KLHL20: variants seen among roughly 807,000 people sequenced by gnomAD.
The protein encoded by KLHL20 is kelch-like protein 20.
A neutral mutation model predicts 69.5 loss-of-function variants in KLHL20; 29 were observed. That is an observed-to-expected ratio of 0.42 (90% CI 0.31 to 0.57). The LOEUF (loss-of-function observed/expected upper bound fraction) is 0.57. Among genes scored for constraint, KLHL20 ranks in the 20% least tolerant of loss-of-function variants. The pLI is 0.18. For missense variants in KLHL20, 419 were observed against 776.0 expected (o/e 0.54, Z 5.47); for synonymous variants, 253 against 265.2 (o/e 0.95, Z 0.45).
At position 173,733,920 on chromosome 1, in the gene KLHL20, G is replaced by A; in HGVS notation, c.231G>A (p.Lys77=). The A allele has an allele frequency of 1.2e-6, 2 of 1,614,224 alleles. No individual in the cohort carries two copies. Among genetic ancestry groups the A allele is most frequent in the Non-Finnish European group, 8.5e-7 (1 of 1,180,036 alleles). ...LCDVVLVVGA[K]KIYAHRVILS... is the part of the protein sequence containing the mutation. ...ATGTGGTGCTAGTTGTGGGCGCCAA[G>A]AAGATATATGCCCATCGAGTCATTT... The change falls in exon 3 of 12, where the codon AAG becomes AAA. Residue 77 remains lysine (K), a synonymous_variant. Coordinates refer to ENST00000209884, the MANE Select transcript of KLHL20 (RefSeq NM_014458.4).
At chr1:173,722,261 T>G (rs1671747497) in intron 2 of KLHL20, among the ~76,000 whole-genome samples, 1 of 152,056 alleles carries the variant, frequency 6.6e-6, no homozygotes, top group African/African-American at 2.4e-5. Flanking sequence ...AGCTTTTACA[T>G]TCTTAAATGG....
intron 2 of KLHL20, among the ~76,000 whole-genome samples, chr1:173,729,674 C>A (rs886629826): frequency 1.3e-5 from 2 of 152,128 alleles, no homozygotes; most frequent in Non-Finnish European, 1.5e-5. Flanking sequence ...AATTCAACAA[C>A]CTTCATGCTA....
chr1:173,760,889 A>G (rs946592615), intron 7 of KLHL20, among the ~76,000 whole-genome samples: 2 of 152,240 alleles, frequency 1.3e-5, no homozygotes, highest in East Asian at 3.9e-4. Context: ...GGTACCTCAC[A>G]TTTCAATACT....
chr1:173,747,108 C>G (rs1460319038), intron 3 of KLHL20, among the ~76,000 whole-genome samples: 1 of 151,580 alleles, frequency 6.6e-6, no homozygotes, highest in Non-Finnish European at 1.5e-5. Context: ...TCTTGGTAAC[C>G]TAATATATGA....
At chr1:173,736,154 C>T (rs1469927747) in intron 3 of KLHL20, among the ~76,000 whole-genome samples, 1 of 151,964 alleles carries the variant, frequency 6.6e-6, no homozygotes, top group Admixed American at 6.6e-5. Context: ...ACCATGTTGG[C>T]CAGGCTGGTC....
chr1:173,783,909 TACAAAACTGA>T (rs1287481479), intron 11 of KLHL20, among the ~76,000 whole-genome samples: 1 of 147,624 alleles, frequency 6.8e-6, no homozygotes, highest in East Asian at 2.0e-4. Context: ...GCCCTGGGGA[TACAAAACTGA>T]ACAACAACAA....
intron 3 of KLHL20, among the ~76,000 whole-genome samples, chr1:173,749,459 T>C (rs1446537450): frequency 1.3e-5 from 2 of 152,198 alleles, no homozygotes; most frequent in African/African-American, 4.8e-5. Context: ...TGTGAAGCAT[T>C]ATTTTCTTAA....
chr1:173,735,076 G>T (rs563358375), intron 3 of KLHL20, among the ~76,000 whole-genome samples: 1 of 152,158 alleles, frequency 6.6e-6, no homozygotes, highest in African/African-American at 2.4e-5. Flanking sequence ...GAGACCAAGG[G>T]GGGTAGAGGA....
intron 2 of KLHL20, 137 bp from the exon 3 acceptor site, chr1:173,733,576 C>G: frequency 1.3e-6 from 1 of 741,098 alleles, no homozygotes; most frequent in Non-Finnish European, 2.1e-6. Context: ...AGTGAGACAT[C>G]ATCTCTACAA....
At chr1:173,725,511 A>G (rs1334415239) in intron 2 of KLHL20, among the ~76,000 whole-genome samples, 1 of 152,212 alleles carries the variant, frequency 6.6e-6, no homozygotes, top group East Asian at 1.9e-4. Flanking sequence ...AGACACATAC[A>G]TATATACTGT....
rs80305519 is a variant in KLHL20, at chr1:173,756,250, T to C, written c.967+212T>C. On this transcript the variant is annotated intron_variant, in intron 6 of 11. Coordinates refer to ENST00000209884, the MANE Select transcript of KLHL20 (RefSeq NM_014458.4). ...TCTCATTCAACACCTTTAATATCTA[T>C]TTTTATATAAATCCAAAAATGTTGG... is the stretch of plus-strand genomic sequence containing the variant. Among the ~76,000 whole-genome samples, 904 of 132,156 alleles carry C rather than the reference T, an allele frequency of 6.8e-3. 10 individuals are homozygous for C. Among genetic ancestry groups the C allele is most frequent in the African/African-American group, 0.036 (833 of 23,066 alleles). The allele number at this position is 132,156 out of a possible 152,430, so 86.7% of individuals were successfully genotyped here. A position where few individuals can be genotyped will look rare whatever the true frequency, so the allele number is the denominator to read the frequency against.
Position 173,775,822 on chromosome 1 carries a change from A to G in KLHL20, c.1618A>G (p.Met540Val), listed in dbSNP as rs1292399451. 1 of 1,614,060 alleles carries G rather than the reference A, an allele frequency of 6.2e-7. No individual in the cohort carries two copies. ...CAACCAGTGGTCTCCAGTGGTGGCC[A>G]TGACATCACGCCGTAGTGGAGTAAG... ...RTNQWSPVVA[M>V]TSRRSGVGLA... The change falls in exon 10 of 12, where the codon ATG becomes GTG. Residue 540 changes from methionine (M) to valine (V), a missense_variant. Around this residue, in one of 6 missense-constraint regions of KLHL20, gnomAD observed 79 missense variants for 154.4 expected, o/e 0.51. Coordinates refer to ENST00000209884, the MANE Select transcript of KLHL20 (RefSeq NM_014458.4).
chr1:173,760,941 A>G (rs999287327), intron 7 of KLHL20, among the ~76,000 whole-genome samples: 1 of 152,244 alleles, frequency 6.6e-6, no homozygotes, highest in African/African-American at 2.4e-5. Context: ...CTTAAAAGGT[A>G]CAGAACCGCA....
chr1:173,715,868 C>T (rs1205771168), intron 1 of KLHL20, 135 bp from the exon 2 acceptor site: 18 of 587,234 alleles, frequency 3.1e-5, no homozygotes, highest in Non-Finnish European at 5.2e-5. Flanking sequence ...TATTGTGCAT[C>T]TGCAGAAGGC....
At chr1:173,717,271 T>G (rs1671511606) in intron 2 of KLHL20, among the ~76,000 whole-genome samples, 1 of 152,236 alleles carries the variant, frequency 6.6e-6, no homozygotes, top group South Asian at 2.1e-4. Flanking sequence ...TGTGGGAATG[T>G]TTTTGGTTTA....
intron 10 of KLHL20, among the ~76,000 whole-genome samples, chr1:173,776,918 A>T (rs1249815159): frequency 2.6e-5 from 4 of 152,110 alleles, no homozygotes; most frequent in African/African-American, 4.8e-5. Flanking sequence ...TTGTGGTTGC[A>T]TATCAATTTT....
chr1:173,753,244 G>C lies in KLHL20; in HGVS notation c.788G>C (p.Ser263Thr), dbSNP rs1673391050. 1 of 1,614,028 alleles carries C rather than the reference G, an allele frequency of 6.2e-7. No individual in the cohort carries two copies. The highest frequency in any genetic ancestry group is 8.5e-7 in the Non-Finnish European group (1 of 1,179,976). ...CAGCATGTTCGTTTGCCTTTGCTTA[G>C]TCCCAAGTTCCTGGTCGGCACAGTA... ...VLQHVRLPLLSPKFLVGTVGS... is the reference protein window; with the variant it reads ...VLQHVRLPLLTPKFLVGTVGS... Residue 263 changes from serine to threonine, a missense_variant, in exon 5 of 12, where the codon AGT (serine) becomes ACT (threonine). Transcript: ENST00000209884.
In KLHL20 at chr1:173,785,237, A is replaced by G. The variant is rs1649135654; in HGVS notation, c.1820A>G (p.His607Arg). Residue 607 changes from histidine (H) to arginine (R), a missense_variant, in exon 12 of 12, where the codon CAT becomes CGT. This residue lies in a region of KLHL20 where 79 missense variants were observed against 154.4 expected (regional missense o/e 0.51). Coordinates refer to ENST00000209884, the MANE Select transcript of KLHL20 (RefSeq NM_014458.4). ...ATTAAAATGACACATTGTGAATCCC[A>G]TATTTGGTGAACACAGAGAAGACAG... The part of the protein sequence containing the change: ...GVIKMTHCES[H>R]IW The G allele has an allele frequency of 1.2e-6, 2 of 1,609,832 alleles. No homozygotes were observed. The highest frequency in any genetic ancestry group is 1.7e-6 in the Non-Finnish European group (2 of 1,177,922).
At chr1:173,727,028 A>G (rs533055996) in intron 2 of KLHL20, among the ~76,000 whole-genome samples, 6 of 152,318 alleles carry the variant, frequency 3.9e-5, no homozygotes, top group Admixed American at 2.0e-4. Flanking sequence ...GCTAACTACA[A>G]TAACCACGCA....
Sources: allele counts gnomAD v4.1 joint callset (sites outside exome capture counted in the v4.1 genomes callset), GRCh38; gene constraint gnomAD v4.1.1; regional missense constraint gnomAD v4.1.1; transcripts MANE v1.5; gene names NCBI Gene and HGNC (gene_info 2026-07-23, HGNC 2026-07-21).